RPH3AL: variants seen among roughly 807,000 people sequenced by gnomAD.
RPH3AL encodes rab effector Noc2.
A neutral mutation model predicts 43.1 loss-of-function variants in RPH3AL; 38 were observed. The ratio of observed to expected loss-of-function variants is 0.88; its 90% CI spans 0.68 to 1.15. The LOEUF (loss-of-function observed/expected upper bound fraction) is 1.15. RPH3AL is among the 50% of genes most tolerant of loss of function. The probability of loss-of-function intolerance (pLI) is 0.00; values close to 1 mark genes in which losing one functional copy is unlikely to be tolerated. For synonymous variants in RPH3AL, 189 were observed against 176.3 expected (o/e 1.07, Z -0.57); for missense variants, 462 against 423.2 (o/e 1.09, Z -0.81).
At chr17:319,349 G>T in intron 5 of RPH3AL, 71 bp downstream of exon 5, 1 of 1,551,170 alleles carries the variant, frequency 6.4e-7, no homozygotes, top group South Asian at 1.2e-5. Context: ...GAGCCAGGAT[G>T]CAAAGCCACA....
At chr17:314,814 T>C (rs1555518480) in intron 5 of RPH3AL, among the ~76,000 whole-genome samples, 11 of 140,248 alleles carry the variant, frequency 7.8e-5, no homozygotes, top group African/African-American at 3.4e-4. Flanking sequence ...TCCACGTCCA[T>C]TGACCTGTAG....
Position 281,815 on chromosome 17 carries a change from G to C in RPH3AL, c.391C>G (p.Gln131Glu). 4 of 1,614,136 alleles carry C rather than the reference G, an allele frequency of 2.5e-6. No homozygotes were observed. The highest frequency in any genetic ancestry group is 2.2e-5 in the South Asian group (2 of 91,066). The change falls in exon 6 of 10, where the codon CAG becomes GAG. Residue 131 changes from glutamine (Q) to glutamate (E), a missense_variant. By Grantham distance (29) the Gln-to-Glu change is conservative (BLOSUM62 2). Coordinates refer to ENST00000331302, the MANE Select transcript of RPH3AL (RefSeq NM_006987.4). ...TKCGIEASPG[Q>E]KRPLWLCKIC... ...TTACACAGCCACAGGGGCCGCTTCT[G>C]GCCAGGGGAGGCCTCGATCCCACAT...
chr17:292,690 C>T (rs1160934916), intron 5 of RPH3AL, among the ~76,000 whole-genome samples: 3 of 152,130 alleles, frequency 2.0e-5, no homozygotes, highest in Admixed American at 6.5e-5. Context: ...CCCTCCCCAC[C>T]CCGAGGTAAG....
At chr17:326,713 C>A (rs1334488569) in intron 3 of RPH3AL, among the ~76,000 whole-genome samples, 1 of 152,224 alleles carries the variant, frequency 6.6e-6, no homozygotes, top group African/African-American at 2.4e-5. Context: ...AAACCCCCGT[C>A]TCTACTAAAA....
In RPH3AL at chr17:325,282, T is replaced by C. The variant is rs577061006; in HGVS notation, c.77+2185A>G. Among the ~76,000 whole-genome samples, 5 of 152,330 alleles carry C rather than the reference T, an allele frequency of 3.3e-5. 1 individual carries two copies. In the South Asian group the frequency reaches 6.2e-4, roughly 19 times the overall value. On this transcript the variant is annotated intron_variant, in intron 3 of 9. Transcript: ENST00000331302. ...GGAAGGCCTGGGTATACGTCCTTCA[T>C]TGGGCTGACACATTATTACGAGACA...
chr17:222,104 A>AATAG (rs35303367), intron 7 of RPH3AL, among the ~76,000 whole-genome samples: 1 of 152,242 alleles, frequency 6.6e-6, no homozygotes, highest in Non-Finnish European at 1.5e-5. Flanking sequence ...TCGCTGAGAC[A>AATAG]AGGCCCAAGG....
At chr17:316,017 T>A (rs2044137937) in intron 5 of RPH3AL, among the ~76,000 whole-genome samples, 3 of 151,952 alleles carry the variant, frequency 2.0e-5, no homozygotes, top group Non-Finnish European at 4.4e-5. Context: ...CTGTAGTCCC[T>A]GTGCCCCCAC....
intron 5 of RPH3AL, among the ~76,000 whole-genome samples, chr17:300,734 A>C (rs1039896334): frequency 6.9e-6 from 1 of 145,816 alleles, no homozygotes; most frequent in African/African-American, 2.6e-5. Context: ...CACCCACTCT[A>C]GCAGGGGCTG....
At chr17:309,632 G>T (rs144192077) in intron 5 of RPH3AL, among the ~76,000 whole-genome samples, 1 of 138,918 alleles carries the variant, frequency 7.2e-6, no homozygotes, top group African/African-American at 2.9e-5. Context: ...CACATCCCCC[G>T]TCCAGGGCTC....
intron 6 of RPH3AL, among the ~76,000 whole-genome samples, chr17:278,051 A>C (rs966099463): frequency 3.9e-5 from 6 of 152,232 alleles, no homozygotes; most frequent in African/African-American, 1.2e-4. Context: ...CGTAACTCTG[A>C]TGATACAGTT....
At chr17:237,734 G>A (rs1484082986) in intron 7 of RPH3AL, among the ~76,000 whole-genome samples, 2 of 152,226 alleles carry the variant, frequency 1.3e-5, no homozygotes, top group African/African-American at 4.8e-5. Flanking sequence ...CCCAGGCCGA[G>A]GTCCACATGG....
chr17:235,780 C>A (rs1379425153), intron 7 of RPH3AL, among the ~76,000 whole-genome samples: 1 of 142,856 alleles, frequency 7.0e-6, no homozygotes, highest in Non-Finnish European at 1.6e-5. Context: ...GGCGGAGGCT[C>A]CGCACTAACA....
intron 7 of RPH3AL, among the ~76,000 whole-genome samples, chr17:227,021 G>A (rs992572473): frequency 1.4e-4 from 22 of 152,336 alleles, no homozygotes; most frequent in African/African-American, 1.9e-4. Context: ...ACAGCCTTTC[G>A]GAGGAAGAAG....
chr17:224,656 A>C (rs2041065640), intron 7 of RPH3AL, among the ~76,000 whole-genome samples: 1 of 152,208 alleles, frequency 6.6e-6, no homozygotes, highest in African/African-American at 2.4e-5. Context: ...TGACCTGTAC[A>C]CTGGAGCAAG....
intron 5 of RPH3AL, among the ~76,000 whole-genome samples, chr17:318,227 C>T (rs767798628): frequency 4.0e-5 from 6 of 151,844 alleles, no homozygotes; most frequent in Non-Finnish European, 5.9e-5. Context: ...TACTAAAATT[C>T]AAAAATTAGC....
At chr17:240,136 C>T (rs998823290) in intron 7 of RPH3AL, among the ~76,000 whole-genome samples, 1 of 149,266 alleles carries the variant, frequency 6.7e-6, no homozygotes, top group Non-Finnish European at 1.5e-5. Context: ...ACTCAGGAGG[C>T]TGAGGCAGGA....
At chr17:229,396 G>C (rs918545653) in intron 7 of RPH3AL, among the ~76,000 whole-genome samples, 4 of 152,354 alleles carry the variant, frequency 2.6e-5, no homozygotes, top group South Asian at 2.1e-4. Context: ...CCCAGGACAG[G>C]AAACCGCACT....
chr17:216,880 G>A (rs1004634860), intron 8 of RPH3AL, among the ~76,000 whole-genome samples: 1 of 152,118 alleles, frequency 6.6e-6, no homozygotes. Context: ...GGGGGTGGTG[G>A]TACGTGTGTC....
At chr17:349,515 TATTG>T (rs2045313249) in intron 1 of RPH3AL, 2 of 152,066 alleles carry the variant, frequency 1.3e-5, no homozygotes, top group Non-Finnish European at 2.9e-5. Flanking sequence ...TCCCACCACA[TATTG>T]ATTATTTCAA....
Sources: allele counts gnomAD v4.1 joint callset (sites outside exome capture counted in the v4.1 genomes callset), GRCh38; gene constraint gnomAD v4.1.1; transcripts MANE v1.5; gene names NCBI Gene and HGNC (gene_info 2026-07-23, HGNC 2026-07-21).